The following DND1 variants were observed in gnomAD, a reference collection of about 807,000 sequenced individuals.
DND1 encodes dead end protein homolog 1.
Under a neutral mutation model 30.4 loss-of-function variants are expected in DND1, and 6 were observed. The observed-to-expected ratio is 0.20, with a 90% confidence interval of 0.11 to 0.39. DND1 has a LOEUF of 0.39. Among genes scored for constraint, DND1 ranks in the 10% least tolerant of loss-of-function variants. DND1 has a pLI of 1.00. For synonymous variants in DND1, 178 were observed against 210.4 expected (o/e 0.85, Z 1.33); for missense variants, 358 against 474.9 (o/e 0.75, Z 2.29).
At position 140,670,991 on chromosome 5, in the gene DND1, G is replaced by A. The variant is rs1758057955; in HGVS notation, c.*302C>T. 1 of 503,996 alleles carries A rather than the reference G, an allele frequency of 2.0e-6. No individual in the cohort carries two copies. Among genetic ancestry groups the A allele is most frequent in the South Asian group, 2.2e-5 (1 of 45,382 alleles). 31.2% of individuals were successfully genotyped at this position (503,996 alleles called of 1,614,324 possible). ...CAATAAAGAAGATTCATGCTAAGCT[G>A]TGGCAGAGGGGGGAAGGTATGATCG... On this transcript the variant is annotated 3_prime_UTR_variant, in exon 4 of 4. Coordinates refer to ENST00000542735, the MANE Select transcript of DND1 (RefSeq NM_194249.3).
rs1758097771 is a variant in DND1, at chr5:140,672,176, A to G, written c.604+269T>C. On this transcript the variant is annotated intron_variant, in intron 3 of 3. Coordinates refer to ENST00000542735, the MANE Select transcript of DND1 (RefSeq NM_194249.3). ...TCAATTTCTCTAACAGTTTCCTCATAGCTTGAGGGTCCTGTGCCTATTTTG... is the reference window on the plus strand; with the variant it reads ...TCAATTTCTCTAACAGTTTCCTCATGGCTTGAGGGTCCTGTGCCTATTTTG... 5 of 573,652 alleles carry G rather than the reference A, an allele frequency of 8.7e-6. No individual in the cohort carries two copies. In the South Asian group the frequency reaches 1.1e-4, roughly 12 times the overall value. The allele number at this position is 573,652 out of a possible 1,614,324, so 35.5% of individuals were successfully genotyped here.
At chr5:140,673,432 C>G in intron 1 of DND1, 44 bp from the exon 2 acceptor site, 1 of 1,613,506 alleles carries the variant, frequency 6.2e-7, no homozygotes, top group Non-Finnish European at 8.5e-7. Flanking sequence ...GCCAAGCGCG[C>G]CCCCACCTCT....
At chr5:140,672,221 G>A in intron 3 of DND1, 1 of 597,734 alleles carries the variant, frequency 1.7e-6, no homozygotes, top group Non-Finnish European at 2.9e-6. Context: ...GGTGGGGGAA[G>A]GTTGAGAATT....
Position 140,672,576 on chromosome 5 carries a change from A to AGCGCGAGCAGCAGCGCGCTGCG in DND1, c.451_472dup (p.Leu158ProfsTer168), listed in dbSNP as rs1758115323. 6.3e-7 allele frequency: 1 copy of AGCGCGAGCAGCAGCGCGCTGCG among 1,579,404 alleles called. No homozygotes were observed. The highest frequency in any genetic ancestry group is 1.8e-5 in the Admixed American group (1 of 56,822). On this transcript the variant is annotated frameshift_variant, in exon 3 of 4. Coordinates refer to ENST00000542735, the MANE Select transcript of DND1 (RefSeq NM_194249.3). LOFTEE classifies it high-confidence loss of function. ...CTGCAAGCCGGGACCCAGCGGCTGCAGCGCGAGCAGCAGCGCGCTGCGGGT... is the reference window on the plus strand; with the variant it reads ...CTGCAAGCCGGGACCCAGCGGCTGCAGCGCGAGCAGCAGCGCGCTGCGGCGCGAGCAGCAGCGCGCTGCGGGT...
rs2149814605 is a variant in DND1 at position 140,671,043 on chromosome 5, T to C, written c.*250A>G. Reference sequence around the variant, plus strand: ...GTGGGGGTGGGACAAGGAACGGCCATGGAAGATCACTGGGTCAGGTTGGAC... The same window carrying C: ...GTGGGGGTGGGACAAGGAACGGCCACGGAAGATCACTGGGTCAGGTTGGAC... On this transcript the variant is annotated 3_prime_UTR_variant, in exon 4 of 4. Transcript: ENST00000542735. 1 of 584,038 alleles carries C rather than the reference T, an allele frequency of 1.7e-6. No individual in the cohort carries two copies. The allele number at this position is 584,038 out of a possible 1,614,324, so 36.2% of individuals were successfully genotyped here. A position where few individuals can be genotyped will look rare whatever the true frequency, so the allele number is the denominator to read the frequency against.
At position 140,672,638 on chromosome 5, in the gene DND1, C is replaced by T. The variant is rs1341906923; in HGVS notation, c.411G>A (p.Lys137=). The T allele has an allele frequency of 3.2e-6, 5 of 1,571,128 alleles. No individual in the cohort carries two copies. Among genetic ancestry groups the T allele is most frequent in the Admixed American group, 3.6e-5 (2 of 55,940 alleles). The change falls in exon 3 of 4, where the codon AAG becomes AAA. Residue 137 remains lysine, a synonymous_variant. Transcript: ENST00000542735. ...CPLLVCRSTE[K]CELSVDGLPP... is the part of the protein sequence containing the mutation. The stretch of plus-strand genomic sequence containing the variant: ...GCAGGCCGTCAACGCTCAGCTCACA[C>T]TTCTCGGTGCTGCGGCACACGAGCA...
rs770361564 is a variant in DND1, at chr5:140,672,699, G to C, written c.350C>G (p.Thr117Arg). The change falls in exon 3 of 4, where the codon ACG becomes AGG. Residue 117 changes from threonine to arginine, a missense_variant. Thr to Arg is a moderately conservative substitution (Grantham distance 71). Coordinates refer to ENST00000542735, the MANE Select transcript of DND1 (RefSeq NM_194249.3). ...CGGCCGCAGCGGATGGTTGTGCAGC[G>C]TGGCGATGGCGGCCTGCGCGCCGCG... ...SRRGAQAAIA[T>R]LHNHPLRPSC... 7.6e-6 allele frequency: 12 copies of C among 1,580,808 alleles called. No individual in the cohort carries two copies. In the South Asian group the frequency reaches 7.9e-5, roughly 10 times the overall value.
chr5:140,673,495 G>A (rs757136151), intron 1 of DND1, 24 bp downstream of exon 1: 1 of 1,606,204 alleles, frequency 6.2e-7, no homozygotes, highest in South Asian at 1.1e-5. Flanking sequence ...GGGCTCGCCG[G>A]CCCCCAAGTC....
chr5:140,672,808 C>T lies in DND1; in HGVS notation c.241G>A (p.Val81Met), dbSNP rs1402104120. The T allele has an allele frequency of 1.9e-6, 3 of 1,567,624 alleles. No homozygotes were observed. The highest frequency in any genetic ancestry group is 2.6e-6 in the Non-Finnish European group (3 of 1,163,856). Residue 81 changes from valine to methionine, a missense_variant, in exon 3 of 4, where the codon GTG becomes ATG. By Grantham distance (21) the Val-to-Met change is conservative (BLOSUM62 1). This residue lies in a region of DND1 where 120 missense variants were observed against 199.1 expected (regional missense o/e 0.60). Transcript: ENST00000542735. ...AGGCGGAACTCGTAGAGGCGGCCCA[C>T]GCGCTGGAACAGCGGGATAAGCTGG... ...EHQLIPLFQR[V>M]GRLYEFRLMM...
chr5:140,672,432 C>G lies in DND1; in HGVS notation c.604+13G>C. 1.3e-6 allele frequency: 2 copies of G among 1,586,504 alleles called. No individual in the cohort carries two copies. Among genetic ancestry groups the G allele is most frequent in the Non-Finnish European group, 1.7e-6 (2 of 1,167,842 alleles). ...CGCGTTTGGCCCCAACCAGCACCCC[C>G]GCCCCAGCCTACCTTCCACCAGGGC... On this transcript the variant is annotated intron_variant, in intron 3 of 3. Coordinates refer to ENST00000542735, the MANE Select transcript of DND1 (RefSeq NM_194249.3).
intron 3 of DND1, chr5:140,672,197 T>C: frequency 1.7e-6 from 1 of 581,566 alleles, no homozygotes; most frequent in South Asian, 2.1e-5. Flanking sequence ...CCTGTGCCTA[T>C]TTTGCGGTGT....
chr5:140,672,118 A>G, intron 3 of DND1: 1 of 543,632 alleles, frequency 1.8e-6, no homozygotes, highest in South Asian at 2.1e-5. Flanking sequence ...ATTCTATAGT[A>G]GTAAAAAGCT....
chr5:140,672,599 G>T lies in DND1; in HGVS notation c.450C>A (p.Thr150=). The T allele has an allele frequency of 6.4e-7, 1 of 1,572,858 alleles. No homozygotes were observed. The highest frequency in any genetic ancestry group is 2.3e-5 in the East Asian group (1 of 43,220). ...GCAGCGCGAGCAGCAGCGCGCTGCG[G>T]GTCAGATTCGGCGGCAGGCCGTCAA... ...LSVDGLPPNL[T]RSALLLALQP... The change falls in exon 3 of 4, where the codon ACC becomes ACA. Residue 150 remains threonine, a synonymous_variant. Transcript: ENST00000542735.
chr5:140,672,948 T>G (rs1180419850), intron 2 of DND1, 42 bp from the exon 3 acceptor site: 2 of 1,534,172 alleles, frequency 1.3e-6, no homozygotes, highest in East Asian at 4.9e-5. Flanking sequence ...AGGCGACGCT[T>G]TCGAATTCTG....
In DND1 at chr5:140,671,284, A is replaced by C; in HGVS notation, c.*9T>G. On this transcript the variant is annotated 3_prime_UTR_variant, in exon 4 of 4. Transcript: ENST00000542735. Reference sequence around the variant, plus strand: ...GCCCATTCAGGGTGCCTGTGGAGAAAGAATGGAGTCACTGTTTAACCATGG... The same window carrying C: ...GCCCATTCAGGGTGCCTGTGGAGAACGAATGGAGTCACTGTTTAACCATGG... The C allele has an allele frequency of 6.2e-7, 1 of 1,612,718 alleles. No homozygotes were observed. Among genetic ancestry groups the C allele is most frequent in the South Asian group, 1.1e-5 (1 of 91,064 alleles).
intron 2 of DND1, 22 bp downstream of exon 2, chr5:140,673,249 G>A (rs754702646): frequency 5.0e-6 from 8 of 1,611,188 alleles, no homozygotes; most frequent in African/African-American, 1.3e-5. Flanking sequence ...CCGGACAGGC[G>A]GAGGGGCTGG....
rs1458619252 is a variant in DND1, at chr5:140,671,469, C to T, written c.886G>A (p.Gly296Arg). Reference protein sequence around the residue: ...HRFWYQVVIPGHPVPFSGLIW... With the variant: ...HRFWYQVVIPRHPVPFSGLIW... ...AGGCCGCTGAAGGGCACCGGATGCCCAGGAATCACCACCTGGTACCAGAAG... is the reference window on the plus strand; with the variant it reads ...AGGCCGCTGAAGGGCACCGGATGCCTAGGAATCACCACCTGGTACCAGAAG... Residue 296 changes from glycine (G) to arginine (R), a missense_variant, in exon 4 of 4, where the codon GGG becomes AGG. Gly to Arg is a moderately radical substitution (Grantham distance 125, BLOSUM62 -2). Around this residue, in one of 3 missense-constraint regions of DND1, gnomAD observed 176 missense variants for 235.2 expected, o/e 0.75. Transcript: ENST00000542735. The T allele has an allele frequency of 4.4e-6, 7 of 1,607,112 alleles. No individual in the cohort carries two copies. The highest frequency in any genetic ancestry group is 5.9e-6 in the Non-Finnish European group (7 of 1,178,056).
At position 140,673,539 on chromosome 5, in the gene DND1, G is replaced by A; in HGVS notation, c.4C>T (p.Gln2Ter). Residue 2 changes from glutamine to a stop codon, truncating the protein, a stop_gained, in exon 1 of 4, where the codon CAG (glutamine) becomes TAG (stop). Transcript: ENST00000542735. LOFTEE classifies it high-confidence loss of function. Reference sequence around the variant, plus strand: ...CTTACCTCACAATCCCGCTTGGACTGCATGGCTCTCCAGCTGGCCCCCTCG... The same window carrying A: ...CTTACCTCACAATCCCGCTTGGACTACATGGCTCTCCAGCTGGCCCCCTCG... M[Q>*]SKRDCELWCE... is the part of the protein sequence containing the mutation. 1.9e-6 allele frequency: 3 copies of A among 1,582,030 alleles called. No homozygotes were observed. Among genetic ancestry groups the A allele is most frequent in the Non-Finnish European group, 2.6e-6 (3 of 1,163,486 alleles).
In DND1 at chr5:140,672,423, C is replaced by A. The variant is rs1211785905; in HGVS notation, c.604+22G>T. The A allele has an allele frequency of 2.5e-6, 4 of 1,575,730 alleles. No individual in the cohort carries two copies. In the East Asian group the frequency reaches 9.2e-5, roughly 36 times the overall value. On this transcript the variant is annotated intron_variant, in intron 3 of 3. Transcript: ENST00000542735. ...CGGGCAGAACGCGTTTGGCCCCAAC[C>A]AGCACCCCCGCCCCAGCCTACCTTC... is the stretch of plus-strand genomic sequence containing the variant.
Sources: gnomAD v4.1 joint callset for allele counts on GRCh38, gnomAD v4.1.1 for gene constraint, gnomAD v4.1.1 regional missense constraint, MANE v1.5 for transcripts, NCBI Gene and HGNC (gene_info 2026-07-23, HGNC 2026-07-21) for gene names.